Variants in AP3S2 observed in about 807,000 individuals in gnomAD.
AP3S2 encodes adaptor related protein complex 3 subunit sigma 2.
In AP3S2, 22 loss-of-function variants were observed where a neutral mutation model predicts 23.4. The ratio of observed to expected loss-of-function variants is 0.94; its 90% confidence interval spans 0.67 to 1.34. The LOEUF is 1.34. Ranked by LOEUF, AP3S2 falls within the 40% of genes most tolerant of loss-of-function variation. The pLI is 0.00. For synonymous variants in AP3S2, 86 were observed against 87.1 expected, an observed-to-expected ratio of 0.99 and a Z score of 0.07; for missense variants, 241 against 236.9, an observed-to-expected ratio of 1.02 and a Z score of -0.11.
At chr15:89,869,020 CT>C (rs1425389601) in intron 4 of AP3S2, among the ~76,000 whole-genome samples, 4 of 150,814 alleles carry the variant, frequency 2.7e-5, no homozygotes, top group Non-Finnish European at 5.9e-5. Flanking sequence ...GCCGCCCCTA[CT>C]GGGAAGTGAG....
At chr15:89,865,735 G>A (rs1896102144) in intron 4 of AP3S2, 4 of 152,126 alleles carry the variant, frequency 2.6e-5, no homozygotes, top group African/African-American at 7.2e-5. Context: ...GTACAAAAAT[G>A]TACAATAGCA....
rs989176224 is a variant in AP3S2 at position 89,830,608 on chromosome 15, C to T, written c.*4907G>A. The T allele has an allele frequency of 6.6e-6, 1 of 152,376 alleles. No individual in the cohort carries two copies. The highest frequency in any genetic ancestry group is 1.5e-5 in the Non-Finnish European group (1 of 68,154). 9.4% of individuals were successfully genotyped at this position (152,376 alleles called of 1,614,324 possible). On this transcript the variant is annotated 3_prime_UTR_variant, in exon 6 of 6. Transcript: ENST00000336418. ...CCATTTGCCTCAACCGTTCACTCAT[C>T]CAACAGTTATTTATTGAACGCCATG...
At chr15:89,871,443 C>T in intron 4 of AP3S2, 32 bp downstream of exon 4, 3 of 1,595,966 alleles carry the variant, frequency 1.9e-6, no homozygotes, top group Non-Finnish European at 1.7e-6. Context: ...TCTAGTAACC[C>T]TAGTTTGGAA....
intron 3 of AP3S2, among the ~76,000 whole-genome samples, chr15:89,873,410 G>T (rs1896367020): frequency 6.6e-6 from 1 of 151,628 alleles, no homozygotes; most frequent in Non-Finnish European, 1.5e-5. Flanking sequence ...TCAGCCTCCT[G>T]AGTAGCTGGG....
At chr15:89,845,553 C>A (rs998715399) in intron 4 of AP3S2, 2 of 152,204 alleles carry the variant, frequency 1.3e-5, no homozygotes, top group Non-Finnish European at 2.9e-5. Context: ...ACCTAAAGAA[C>A]TGGAGATAGA....
Position 89,888,509 on chromosome 15 carries a change from G to A in AP3S2, c.273+12C>T, listed in dbSNP as rs532090083. 5.0e-4 allele frequency: 807 copies of A among 1,613,090 alleles called. 10 individuals carry two copies. The South Asian group carries it at 8.3e-3, about 17-fold the overall frequency. On this transcript the variant is annotated intron_variant, in intron 3 of 5. Transcript: ENST00000336418. ...TCTAAAGCTGCTGCCATCATTAGCTGACTACACATACCTGGATGAGGTCCA... is the reference window on the plus strand; with the variant it reads ...TCTAAAGCTGCTGCCATCATTAGCTAACTACACATACCTGGATGAGGTCCA...
chr15:89,888,739 A>G lies in AP3S2; in HGVS notation c.162-107T>C. On this transcript the variant is annotated intron_variant, in intron 2 of 5. Transcript: ENST00000336418. ...GGACCCACTGGAAAGGAGAAGGCCA[A>G]ACGCTAGAAGCAGGCCATTCTTACT... The G allele has an allele frequency of 2.4e-6, 3 of 1,238,838 alleles. 1 individual carries two copies. The South Asian group carries it at 4.4e-5, about 18-fold the overall frequency. 76.7% of individuals were successfully genotyped at this position (1,238,838 alleles called of 1,614,324 possible).
chr15:89,882,401 T>C (rs1323161171), intron 3 of AP3S2, among the ~76,000 whole-genome samples: 1 of 151,718 alleles, frequency 6.6e-6, no homozygotes, highest in Non-Finnish European at 1.5e-5. Flanking sequence ...TTCGCTCTTG[T>C]TGCCCGGGCC....
intron 4 of AP3S2, among the ~76,000 whole-genome samples, chr15:89,850,149 G>T (rs902447768): frequency 1.3e-5 from 2 of 152,220 alleles, no homozygotes; most frequent in Non-Finnish European, 2.9e-5. Context: ...ACTTTGCTTT[G>T]TAAAGTTCTG....
At chr15:89,868,275 C>T (rs1206753433) in intron 4 of AP3S2, among the ~76,000 whole-genome samples, 2 of 64,722 alleles carry the variant, frequency 3.1e-5, no homozygotes, top group Non-Finnish European at 6.9e-5. Context: ...CGCCTCTGCC[C>T]GGCCGCCCCT....
chr15:89,842,447 C>G (rs1474393247), intron 4 of AP3S2, among the ~76,000 whole-genome samples: 2 of 152,114 alleles, frequency 1.3e-5, no homozygotes, highest in African/African-American at 4.8e-5. Context: ...CCAAGATACA[C>G]CTTTAGGTAA....
At chr15:89,849,953 T>C (rs1895604092) in intron 4 of AP3S2, among the ~76,000 whole-genome samples, 1 of 152,186 alleles carries the variant, frequency 6.6e-6, no homozygotes. Flanking sequence ...TTGTGTTAGT[T>C]TGCTGAGAAT....
chr15:89,863,559 AAG>A (rs1048321903), intron 4 of AP3S2, among the ~76,000 whole-genome samples: 9 of 152,206 alleles, frequency 5.9e-5, no homozygotes, highest in Non-Finnish European at 1.3e-4. Flanking sequence ...GGAGGTGAAA[AAG>A]AGAGAAGCAG....
At chr15:89,852,473 C>T (rs1895681390) in intron 4 of AP3S2, 1 of 152,222 alleles carries the variant, frequency 6.6e-6, no homozygotes, top group South Asian at 2.1e-4. Context: ...TTCCAAGCTG[C>T]TCAGTGGGCT....
chr15:89,867,070 G>A (rs970423735), intron 4 of AP3S2, among the ~76,000 whole-genome samples: 9 of 131,358 alleles, frequency 6.9e-5, no homozygotes, highest in Non-Finnish European at 9.5e-5. Flanking sequence ...CCTCTCATGC[G>A]GAGCCGAAGC....
At chr15:89,845,667 CAGAT>C (rs1895469802) in intron 4 of AP3S2, 1 of 152,162 alleles carries the variant, frequency 6.6e-6, no homozygotes, top group African/African-American at 2.4e-5. Context: ...AGAACACTGA[CAGAT>C]AAAGTCACAA....
intron 4 of AP3S2, among the ~76,000 whole-genome samples, chr15:89,851,299 C>T (rs1410014116): frequency 6.6e-6 from 1 of 152,066 alleles, no homozygotes; most frequent in Non-Finnish European, 1.5e-5. Context: ...GGCAAATTAC[C>T]TAGCAACTCA....
At chr15:89,848,011 G>A (rs1267467100) in intron 4 of AP3S2, among the ~76,000 whole-genome samples, 4 of 152,174 alleles carry the variant, frequency 2.6e-5, no homozygotes, top group South Asian at 4.1e-4. Flanking sequence ...GAGAGGATAA[G>A]TAAAATCTTT....
intron 3 of AP3S2, among the ~76,000 whole-genome samples, chr15:89,881,205 G>A (rs989669408): frequency 2.0e-5 from 3 of 152,178 alleles, no homozygotes; most frequent in Admixed American, 1.3e-4. Context: ...GAAGATGAGC[G>A]TGTATACGGT....
Sources: gnomAD v4.1 joint callset for allele counts (sites outside exome capture counted in the v4.1 genomes callset) on GRCh38, gnomAD v4.1.1 for gene constraint, MANE v1.5 for transcripts, NCBI Gene and HGNC (gene_info 2026-07-23, HGNC 2026-07-21) for gene names.